Variants in SUMF1 observed in about 807,000 individuals in gnomAD.
The protein encoded by SUMF1 is formylglycine-generating enzyme.
A neutral mutation model predicts 47.6 loss-of-function variants in SUMF1; 48 were observed. The observed-to-expected ratio is 1.01, with a 90% confidence interval of 0.80 to 1.28. SUMF1 has a LOEUF of 1.28. SUMF1 is among the 50% of genes most tolerant of loss of function. SUMF1 has a pLI of 0.00. For synonymous variants in SUMF1, 230 were observed against 192.1 expected, an observed-to-expected ratio of 1.20 and a Z score of -1.63; for missense variants, 571 against 485.4, an observed-to-expected ratio of 1.18 and a Z score of -1.66.
At chr3:4,366,402 G>A (rs1285471146) in intron 8 of SUMF1, among the ~76,000 whole-genome samples, 1 of 151,948 alleles carries the variant, frequency 6.6e-6, no homozygotes, top group African/African-American at 2.4e-5. Flanking sequence ...TTTCTTGGAG[G>A]CTTTGTTCAT....
chr3:4,148,738 A>G (rs2629256), intron 8 of SUMF1, among the ~76,000 whole-genome samples: 46,342 of 151,998 alleles, frequency 0.3, 7,287 homozygotes, highest in East Asian at 0.4. Flanking sequence ...CATTTGATCC[A>G]CAAACTAGAA....
chr3:4,096,645 G>A (rs1464803461), intron 8 of SUMF1, among the ~76,000 whole-genome samples: 2 of 152,096 alleles, frequency 1.3e-5, no homozygotes, highest in African/African-American at 4.8e-5. Context: ...TATCATGATA[G>A]CCATGGTCAT....
intron 1 of SUMF1, among the ~76,000 whole-genome samples, chr3:4,466,138 G>A (rs1559319488): frequency 6.6e-6 from 1 of 151,880 alleles, no homozygotes. Flanking sequence ...TCGAGACGGA[G>A]TCTCGCCCTG....
chr3:4,120,046 C>T (rs1050085035), intron 8 of SUMF1, among the ~76,000 whole-genome samples: 3 of 152,152 alleles, frequency 2.0e-5, no homozygotes, highest in Non-Finnish European at 4.4e-5. Flanking sequence ...CAGACATATC[C>T]TCACAGAGGA....
At chr3:4,417,384 G>A (rs1427109142) in intron 5 of SUMF1, 142 bp from the exon 6 acceptor site, 2 of 600,306 alleles carry the variant, frequency 3.3e-6, no homozygotes, top group Non-Finnish European at 5.8e-6. Context: ...AATAAATAAA[G>A]CTTTTAATCA....
intron 8 of SUMF1, among the ~76,000 whole-genome samples, chr3:4,119,951 T>C (rs188005101): frequency 1.1e-4 from 16 of 152,276 alleles, no homozygotes; most frequent in African/African-American, 3.6e-4. Context: ...ATACTTGAAC[T>C]TACAGCATCA....
At chr3:4,458,181 T>A (rs945479307) in intron 1 of SUMF1, among the ~76,000 whole-genome samples, 1 of 152,222 alleles carries the variant, frequency 6.6e-6, no homozygotes, top group Non-Finnish European at 1.5e-5. Context: ...CACAATGGGC[T>A]ATCTCCTCAC....
chr3:4,162,037 G>A (rs1240912484), intron 8 of SUMF1, among the ~76,000 whole-genome samples: 2 of 152,050 alleles, frequency 1.3e-5, no homozygotes, highest in African/African-American at 4.8e-5. Flanking sequence ...ATCCTGCCCA[G>A]GACTGGGTCC....
chr3:4,313,790 C>T lies in SUMF1; in HGVS notation c.1014+62540G>A, dbSNP rs200657179. On this transcript the variant is annotated intron_variant and NMD_transcript_variant, in intron 8 of 12. Coordinates refer to the SUMF1 transcript ENST00000448413. ...AGTCTGTTCAGTGATAAGCAGCTTG[C>T]CCCTCCCTATAGTGGAAGACAGTGG... 5.0e-6 allele frequency: 8 copies of T among 1,613,248 alleles called. No individual in the cohort carries two copies. The African/African-American group carries it at 8.0e-5, about 16-fold the overall frequency.
Position 4,452,915 on chromosome 3 carries a change from T to G in SUMF1, c.405A>C (p.Glu135Asp). The G allele has an allele frequency of 6.2e-7, 1 of 1,614,222 alleles. No individual in the cohort carries two copies. The highest frequency in any genetic ancestry group is 8.5e-7 in the Non-Finnish European group (1 of 1,180,040). ...CAGTTGAGTTCACAAACTTCTCAAATTCAGTATTACTGACTTCATAGGCAT... is the reference window on the plus strand; with the variant it reads ...CAGTTGAGTTCACAAACTTCTCAAAGTCAGTATTACTGACTTCATAGGCAT... ...YMDAYEVSNT[E>D]FEKFVNSTGY... Residue 135 changes from glutamate to aspartate, a missense_variant, in exon 2 of 9, where the codon GAA becomes GAC. By Grantham distance (45) the Glu-to-Asp change is conservative. Coordinates refer to ENST00000272902, the MANE Select transcript of SUMF1 (RefSeq NM_182760.4).
chr3:4,327,404 G>T (rs954810923), intron 8 of SUMF1, among the ~76,000 whole-genome samples: 1 of 152,130 alleles, frequency 6.6e-6, no homozygotes, highest in Admixed American at 6.6e-5. Context: ...GCAAGTTGTT[G>T]TTGTTGTTGT....
At position 4,304,036 on chromosome 3, in the gene SUMF1, CCT is replaced by C. The variant is rs1698073369; in HGVS notation, c.1014+72292_1014+72293del. The C allele has an allele frequency of 2.1e-5, 5 of 237,016 alleles. No homozygotes were observed. The South Asian group carries it at 2.7e-4, about 13-fold the overall frequency. 14.7% of individuals were successfully genotyped at this position (237,016 alleles called of 1,614,324 possible). A position where few individuals can be genotyped will look rare whatever the true frequency, so the allele number is the denominator to read the frequency against. ...TCTTCCAGCGTACAGTGGAACAGTACCTCTCTTCCGGAGTGCTTTGAAAATGG... is the reference window on the plus strand; with the variant it reads ...TCTTCCAGCGTACAGTGGAACAGTACCTCTTCCGGAGTGCTTTGAAAATGG... On this transcript the variant is annotated intron_variant and NMD_transcript_variant, in intron 8 of 12. Coordinates refer to the SUMF1 transcript ENST00000448413.
At chr3:4,251,409 G>A (rs1168706850) in intron 8 of SUMF1, among the ~76,000 whole-genome samples, 3 of 152,198 alleles carry the variant, frequency 2.0e-5, no homozygotes, top group African/African-American at 7.2e-5. Context: ...TTGTTGAAAT[G>A]ACAACAAAGG....
intron 8 of SUMF1, among the ~76,000 whole-genome samples, chr3:4,162,376 G>A (rs1694600075): frequency 1.3e-5 from 2 of 152,156 alleles, no homozygotes. Context: ...CACATGACTA[G>A]GACTTGACTA....
chr3:4,085,961 T>C (rs986675890), intron 8 of SUMF1, among the ~76,000 whole-genome samples: 1 of 151,568 alleles, frequency 6.6e-6, no homozygotes, highest in African/African-American at 2.4e-5. Context: ...ATGAAAAGTG[T>C]ATAAAACTGA....
At chr3:4,345,778 T>C (rs1699361078) in intron 8 of SUMF1, among the ~76,000 whole-genome samples, 1 of 152,058 alleles carries the variant, frequency 6.6e-6, no homozygotes, top group African/African-American at 2.4e-5. Flanking sequence ...GCATGCTGTA[T>C]TCAGGAGACC....
intron 1 of SUMF1, among the ~76,000 whole-genome samples, chr3:4,453,569 G>A (rs2125135754): frequency 7.0e-6 from 1 of 142,118 alleles, no homozygotes; most frequent in East Asian, 2.0e-4. Context: ...GTCTTGCTCT[G>A]TCGCCCCAGG....
intron 8 of SUMF1, among the ~76,000 whole-genome samples, chr3:4,102,162 C>A (rs1346956282): frequency 6.6e-6 from 1 of 152,174 alleles, no homozygotes; most frequent in East Asian, 1.9e-4. Context: ...GGTGGGGATA[C>A]AGCCAAGTCA....
In SUMF1 at chr3:4,397,679, T is replaced by C. The variant is rs375046145; in HGVS notation, c.954+13186A>G. On this transcript the variant is annotated intron_variant, in intron 7 of 8. Transcript: ENST00000272902. ...TTCTGCTGCTTGATTAGATGCCATG[T>C]TTACTTCCTTTACTGAGTATAAAGT... is the stretch of plus-strand genomic sequence containing the variant. 2.1e-4 allele frequency among the ~76,000 whole-genome samples: 32 copies of C among 152,274 alleles called. 2 individuals are homozygous for C. The highest frequency in any genetic ancestry group is 7.7e-4 in the African/African-American group (32 of 41,562).
Sources: gnomAD v4.1 joint callset for allele counts (sites outside exome capture counted in the v4.1 genomes callset) on GRCh38, gnomAD v4.1.1 for gene constraint, MANE v1.5 for transcripts, NCBI Gene and HGNC (gene_info 2026-07-23, HGNC 2026-07-21) for gene names.